Variants in DNAH12 observed in about 807,000 individuals in gnomAD.
DNAH12 encodes the protein axonemal beta dynein heavy chain 12.
Under a neutral mutation model 371.5 loss-of-function variants are expected in DNAH12, and 285 were observed. The ratio of observed to expected loss-of-function variants is 0.77; its 90% CI spans 0.70 to 0.85. The LOEUF is 0.85. DNAH12 is among the 40% of genes least tolerant of loss of function. DNAH12 has a pLI of 0.00. For synonymous variants in DNAH12, 1,200 were observed against 1,213.0 expected (o/e 0.99, Z 0.22); for missense variants, 3,611 against 3,689.4 (o/e 0.98, Z 0.55).
In DNAH12 at chr3:57,483,398, T is replaced by C; in HGVS notation, c.1628A>G (p.Glu543Gly). ...TACCTGGATCCTTAAAATCAACTCT[T>C]CGATTCCTACAGTCCGGGCTTTTTC... ...YVEKARTVGI[E>G]ELILRIQESK... Residue 543 changes from glutamate to glycine, a missense_variant, in exon 13 of 74, where the codon GAA becomes GGA. Glu to Gly is a moderately conservative substitution (Grantham distance 98, BLOSUM62 -2). Coordinates refer to ENST00000495027, the MANE Select transcript of DNAH12 (RefSeq NM_001366028.2). 1 of 1,546,808 alleles carries C rather than the reference T, an allele frequency of 6.5e-7. No individual in the cohort carries two copies. The highest frequency in any genetic ancestry group is 1.7e-4 in the Middle Eastern group (1 of 5,974).
intron 13 of DNAH12, among the ~76,000 whole-genome samples, chr3:57,473,258 G>T (rs538916537): frequency 6.6e-6 from 1 of 152,142 alleles, no homozygotes; most frequent in South Asian, 2.1e-4. Flanking sequence ...AAGCTGAGGC[G>T]GGTGGATCAC....
intron 4 of DNAH12, among the ~76,000 whole-genome samples, chr3:57,522,211 G>A (rs1214277958): frequency 6.6e-6 from 1 of 151,870 alleles, no homozygotes; most frequent in African/African-American, 2.4e-5. Context: ...GCAACAGAGT[G>A]AGACTCCATT....
At chr3:57,444,928 CAA>C in intron 28 of DNAH12, 112 bp from the exon 29 acceptor site, 3 of 1,145,298 alleles carry the variant, frequency 2.6e-6, no homozygotes, top group Non-Finnish European at 2.3e-6. Context: ...GGCTAAAAGT[CAA>C]AGTTTATTTT....
chr3:57,452,040 A>G (rs1396799998), intron 25 of DNAH12, among the ~76,000 whole-genome samples: 1 of 152,134 alleles, frequency 6.6e-6, no homozygotes, highest in East Asian at 1.9e-4. Context: ...CCAACACTTA[A>G]TGAACTTTCG....
rs576788265 is a variant in DNAH12, at chr3:57,404,871, T to G, written c.6755+98A>C. The G allele has an allele frequency of 7.3e-6, 8 of 1,091,402 alleles. No individual in the cohort carries two copies. The African/African-American group carries it at 1.2e-4, about 16-fold the overall frequency. 67.6% of individuals were successfully genotyped at this position (1,091,402 alleles called of 1,614,324 possible). A position where few individuals can be genotyped will look rare whatever the true frequency, so the allele number is the denominator to read the frequency against. On this transcript the variant is annotated intron_variant, in intron 42 of 73. Coordinates refer to ENST00000495027, the MANE Select transcript of DNAH12 (RefSeq NM_001366028.2). ...TGCTGGATAATGGGTACAAAGTCATTCACTGTATTTTTCTTTACACCTTTT... is the reference window on the plus strand; with the variant it reads ...TGCTGGATAATGGGTACAAAGTCATGCACTGTATTTTTCTTTACACCTTTT...
intron 2 of DNAH12, among the ~76,000 whole-genome samples, chr3:57,533,826 G>A (rs547401032): frequency 1.1e-4 from 16 of 152,202 alleles, no homozygotes; most frequent in African/African-American, 3.6e-4. Context: ...TAGGGGTTAG[G>A]AAAGGAGTGG....
intron 55 of DNAH12, among the ~76,000 whole-genome samples, chr3:57,371,940 G>GAAAAAAAAAAAAAAAAAA (rs2063180760): frequency 9.2e-5 from 1 of 10,828 alleles, no homozygotes; most frequent in Admixed American, 8.5e-4. Flanking sequence ...TCTAAACTCA[G>GAAAAAAAAAAAAAAAAAA]CAAAAAAAAA....
intron 25 of DNAH12, among the ~76,000 whole-genome samples, chr3:57,448,310 G>A (rs974536429): frequency 6.6e-6 from 1 of 152,102 alleles, no homozygotes; most frequent in African/African-American, 2.4e-5. Context: ...GACCTTCACA[G>A]TGAGTGTTAC....
chr3:57,477,473 G>C (rs1044707380), intron 13 of DNAH12, among the ~76,000 whole-genome samples: 1 of 152,186 alleles, frequency 6.6e-6, no homozygotes, highest in Non-Finnish European at 1.5e-5. Flanking sequence ...AGGCCTGCCT[G>C]CCTCTGTAGA....
At chr3:57,338,018 T>C (rs4681976) in intron 60 of DNAH12, among the ~76,000 whole-genome samples, 29,547 of 152,060 alleles carry the variant, frequency 0.19, 3,115 homozygotes, top group African/African-American at 0.23. Flanking sequence ...TCCCTCTCTC[T>C]CTCTTCTCTC....
At chr3:57,425,170 T>A in intron 34 of DNAH12, 29 bp from the exon 35 acceptor site, 1 of 683,252 alleles carries the variant, frequency 1.5e-6, no homozygotes, top group Non-Finnish European at 2.6e-6. Context: ...ATAACTTTCT[T>A]AATTTTCATC....
At chr3:57,314,739 A>T in intron 65 of DNAH12, 108 bp from the exon 66 acceptor site, 1 of 1,178,858 alleles carries the variant, frequency 8.5e-7, no homozygotes. Flanking sequence ...GTGATCACGT[A>T]TCTCTACAAA....
chr3:57,415,441 G>T lies in DNAH12; in HGVS notation c.5838C>A (p.Ser1946Arg), dbSNP rs750276073. 1 of 1,549,414 alleles carries T rather than the reference G, an allele frequency of 6.5e-7. No individual in the cohort carries two copies. Among genetic ancestry groups the T allele is most frequent in the African/African-American group, 1.4e-5 (1 of 72,920 alleles). The part of the protein sequence containing the change: ...PFYINLSART[S>R]ANQVQNIIMA... ...TTAAACTAACCTGAACCTGATTGGCGCTGGTCCGTGCAGATAAGTTAATAT... is the reference window on the plus strand; with the variant it reads ...TTAAACTAACCTGAACCTGATTGGCTCTGGTCCGTGCAGATAAGTTAATAT... The change falls in exon 38 of 74, where the codon AGC becomes AGA. Residue 1946 changes from serine to arginine, a missense_variant. Physicochemically the swap from Ser to Arg is moderately radical, Grantham distance 110 (BLOSUM62 -1). Coordinates refer to ENST00000495027, the MANE Select transcript of DNAH12 (RefSeq NM_001366028.2).
Position 57,405,693 on chromosome 3 carries a change from A to G in DNAH12, c.6536T>C (p.Phe2179Ser), listed in dbSNP as rs2064002399. Residue 2179 changes from phenylalanine to serine, a missense_variant, in exon 41 of 74, where the codon TTT (phenylalanine) becomes TCT (serine). Phe to Ser is a radical substitution (Grantham distance 155). This residue lies in a region of DNAH12 where 2,266 missense variants were observed against 2,236.9 expected (regional missense o/e 1.01). Coordinates refer to ENST00000495027, the MANE Select transcript of DNAH12 (RefSeq NM_001366028.2). Reference protein sequence around the residue: ...TVIKDHFKESFHSIFSHLRKQ... With the variant: ...TVIKDHFKESSHSIFSHLRKQ... Reference sequence around the variant, plus strand: ...CCTCAAATGTGAAAAGATACTGTGAAATGATTCTTTAAAATGGTCCTTTAT... The same window carrying G: ...CCTCAAATGTGAAAAGATACTGTGAGATGATTCTTTAAAATGGTCCTTTAT... 6.4e-7 allele frequency: 1 copy of G among 1,551,720 alleles called. No individual in the cohort carries two copies. Among genetic ancestry groups the G allele is most frequent in the East Asian group, 2.4e-5 (1 of 40,930 alleles).
At chr3:57,410,643 C>A (rs1208066192) in intron 39 of DNAH12, among the ~76,000 whole-genome samples, 1 of 151,742 alleles carries the variant, frequency 6.6e-6, no homozygotes, top group Admixed American at 6.6e-5. Flanking sequence ...CATGGCAAAA[C>A]CGTCTCTACT....
In DNAH12 at chr3:57,504,009, G is replaced by A. The variant is rs749356562; in HGVS notation, c.1086+7C>T. ...AAATTCTTTCCCGATGGGTAAAGAT[G>A]TAATACCTGCAGAGCTTCGGCTATT... On this transcript the variant is annotated splice_region_variant and intron_variant, in intron 9 of 73. Transcript: ENST00000495027. The A allele has an allele frequency of 6.2e-7, 1 of 1,608,438 alleles. No homozygotes were observed. The highest frequency in any genetic ancestry group is 8.5e-7 in the Non-Finnish European group (1 of 1,176,086).
At chr3:57,421,817 G>A in intron 35 of DNAH12, 111 bp from the exon 36 acceptor site, 2 of 1,184,242 alleles carry the variant, frequency 1.7e-6, no homozygotes, top group Non-Finnish European at 2.4e-6. Flanking sequence ...CTTGAACAAG[G>A]TCGTAAGTGT....
intron 55 of DNAH12, among the ~76,000 whole-genome samples, chr3:57,373,604 G>A (rs1469327950): frequency 1.3e-5 from 2 of 151,862 alleles, no homozygotes; most frequent in East Asian, 1.9e-4. Context: ...GATTACAGGC[G>A]TGAGCCACCG....
At chr3:57,389,791 T>TAC (rs2063570942) in intron 45 of DNAH12, among the ~76,000 whole-genome samples, 2 of 128,340 alleles carry the variant, frequency 1.6e-5, no homozygotes, top group Admixed American at 8.9e-5. Flanking sequence ...TAAATATATA[T>TAC]ACACATATGT....
Sources: gnomAD v4.1 joint callset for allele counts (sites outside exome capture counted in the v4.1 genomes callset) on GRCh38, gnomAD v4.1.1 for gene constraint, gnomAD v4.1.1 regional missense constraint, MANE v1.5 for transcripts, NCBI Gene and HGNC (gene_info 2026-07-23, HGNC 2026-07-21) for gene names.